UBE2E2: variants seen among roughly 807,000 people sequenced by gnomAD.
The protein encoded by UBE2E2 is ubiquitin conjugating enzyme E2 E2, also known as ubiquitin-conjugating enzyme E2 E2.
A neutral mutation model predicts 24.7 loss-of-function variants in UBE2E2; 6 were observed. That is an observed-to-expected ratio of 0.24 (90% CI 0.13 to 0.48). The LOEUF (loss-of-function observed/expected upper bound fraction) is 0.48, where lower values mean the gene tolerates loss of function less well. UBE2E2 is among the 20% of genes least tolerant of loss of function. The pLI is 0.99. For missense variants in UBE2E2, 169 were observed against 245.0 expected (o/e 0.69, Z 2.07); for synonymous variants, 104 against 83.6 (o/e 1.24, Z -1.33).
intron 3 of UBE2E2, among the ~76,000 whole-genome samples, chr3:23,421,840 C>T (rs916178449): frequency 1.3e-5 from 2 of 152,120 alleles, no homozygotes; most frequent in African/African-American, 4.8e-5. Context: ...GACTCAGGTG[C>T]GAGGGAGGTG....
intron 5 of UBE2E2, among the ~76,000 whole-genome samples, chr3:23,567,914 G>T (rs1345550367): frequency 1.3e-5 from 2 of 152,328 alleles, no homozygotes; most frequent in South Asian, 4.1e-4. Context: ...AGAGCAATAA[G>T]TTTCCTCCTT....
intron 3 of UBE2E2, among the ~76,000 whole-genome samples, chr3:23,381,571 A>G (rs1035736070): frequency 3.3e-5 from 5 of 152,208 alleles, no homozygotes; most frequent in Non-Finnish European, 7.3e-5. Flanking sequence ...CCTGTCTGCC[A>G]GTACCCCGGC....
intron 3 of UBE2E2, among the ~76,000 whole-genome samples, chr3:23,305,815 G>C (rs1699223177): frequency 6.6e-6 from 1 of 152,068 alleles, no homozygotes; most frequent in African/African-American, 2.4e-5. Context: ...CCGCAGCCTG[G>C]AGCTCCTGGG....
intron 4 of UBE2E2, among the ~76,000 whole-genome samples, chr3:23,510,490 C>A (rs143672481): frequency 2.6e-5 from 4 of 152,116 alleles, no homozygotes; most frequent in African/African-American, 9.6e-5. Context: ...GCCCGTAATC[C>A]CAGCTACTTG....
intron 3 of UBE2E2, among the ~76,000 whole-genome samples, chr3:23,348,506 TTC>T (rs1437167930): frequency 1.3e-5 from 2 of 152,136 alleles, no homozygotes; most frequent in African/African-American, 4.8e-5. Context: ...TTAAAGGATT[TTC>T]TGAGAACTTC....
At chr3:23,585,770 A>G (rs1232943388) in intron 5 of UBE2E2, among the ~76,000 whole-genome samples, 1 of 152,198 alleles carries the variant, frequency 6.6e-6, no homozygotes, top group Non-Finnish European at 1.5e-5. Context: ...GTAACAATCT[A>G]GAAACCCAAA....
intron 3 of UBE2E2, among the ~76,000 whole-genome samples, chr3:23,343,315 C>T (rs746835396): frequency 6.6e-6 from 1 of 151,920 alleles, no homozygotes; most frequent in Non-Finnish European, 1.5e-5. Context: ...GTGGCTCACG[C>T]GTGTAATCCC....
chr3:23,385,083 A>G (rs1384058981), intron 3 of UBE2E2, among the ~76,000 whole-genome samples: 1 of 152,146 alleles, frequency 6.6e-6, no homozygotes, highest in Non-Finnish European at 1.5e-5. Flanking sequence ...GGCGCACACT[A>G]CCACACCTGG....
chr3:23,244,178 A>C (rs1291748733), intron 3 of UBE2E2, among the ~76,000 whole-genome samples: 2 of 152,170 alleles, frequency 1.3e-5, no homozygotes, highest in Admixed American at 1.3e-4. Context: ...AATTAAAAAA[A>C]AGTTTAGGTT....
intron 5 of UBE2E2, among the ~76,000 whole-genome samples, chr3:23,577,470 C>T (rs1303938303): frequency 1.3e-5 from 2 of 152,088 alleles, no homozygotes; most frequent in African/African-American, 4.8e-5. Flanking sequence ...CCTGTGAAGG[C>T]CGAGAGGTGA....
intron 3 of UBE2E2, among the ~76,000 whole-genome samples, chr3:23,340,100 A>G (rs570089832): frequency 4.7e-4 from 72 of 152,194 alleles, no homozygotes; most frequent in African/African-American, 1.6e-3. Context: ...TAGTTAACCT[A>G]TATTGGAGGT....
chr3:23,203,456 C>G lies in UBE2E2; in HGVS notation c.-17C>G. The G allele has an allele frequency of 1.0e-6, 1 of 964,310 alleles. No homozygotes were observed. 59.7% of individuals were successfully genotyped at this position (964,310 alleles called of 1,614,324 possible). Reference sequence around the variant, plus strand: ...GAGCCTGCGACCTGCACGGACACCCCCCCCTCAGGTATTCGCTCGGGCCGC... The same window carrying G: ...GAGCCTGCGACCTGCACGGACACCCGCCCCTCAGGTATTCGCTCGGGCCGC... On this transcript the variant is annotated 5_prime_UTR_variant, in exon 1 of 6. Coordinates refer to ENST00000396703, the MANE Select transcript of UBE2E2 (RefSeq NM_152653.4).
chr3:23,221,460 A>C (rs1696639148), intron 3 of UBE2E2, among the ~76,000 whole-genome samples: 1 of 151,976 alleles, frequency 6.6e-6, no homozygotes, highest in Non-Finnish European at 1.5e-5. Flanking sequence ...ATTTTCCCCC[A>C]GCTCTTTCAC....
At chr3:23,249,652 G>GT (rs1559455715) in intron 3 of UBE2E2, among the ~76,000 whole-genome samples, 3 of 130,820 alleles carry the variant, frequency 2.3e-5, no homozygotes, top group African/African-American at 8.6e-5. Context: ...TATTAACTCA[G>GT]ATTTTTTTTT....
chr3:23,310,197 C>T (rs759576652), intron 3 of UBE2E2, among the ~76,000 whole-genome samples: 1 of 151,756 alleles, frequency 6.6e-6, no homozygotes, highest in Non-Finnish European at 1.5e-5. Flanking sequence ...ACTACAGTTA[C>T]GTTGGTAAGT....
At chr3:23,314,418 C>T (rs548641427) in intron 3 of UBE2E2, among the ~76,000 whole-genome samples, 1 of 141,486 alleles carries the variant, frequency 7.1e-6, no homozygotes, top group Non-Finnish European at 1.5e-5. Context: ...GTGTGAGCCA[C>T]TGTGGCCCGC....
chr3:23,434,673 A>C (rs1698144431), intron 3 of UBE2E2, among the ~76,000 whole-genome samples: 1 of 152,196 alleles, frequency 6.6e-6, no homozygotes. Flanking sequence ...TAAAAATTGA[A>C]AGGCATAAAG....
chr3:23,420,834 T>C (rs983725728), intron 3 of UBE2E2, among the ~76,000 whole-genome samples: 1 of 152,238 alleles, frequency 6.6e-6, no homozygotes, highest in Admixed American at 6.5e-5. Context: ...TGTATATCTT[T>C]CTGTTACTGT....
intron 3 of UBE2E2, among the ~76,000 whole-genome samples, chr3:23,458,047 A>G (rs1698719291): frequency 6.6e-6 from 1 of 152,002 alleles, no homozygotes; most frequent in African/African-American, 2.4e-5. Flanking sequence ...TGCATTCACA[A>G]CTTGGCTAAC....
Sources: allele counts gnomAD v4.1 joint callset (sites outside exome capture counted in the v4.1 genomes callset), GRCh38; gene constraint gnomAD v4.1.1; transcripts MANE v1.5; gene names NCBI Gene and HGNC (gene_info 2026-07-23, HGNC 2026-07-21).